The following SLC25A13 variants were observed in gnomAD, a reference collection of about 807,000 sequenced individuals.
SLC25A13 encodes solute carrier family 25 member 13, also known as electrogenic aspartate/glutamate antiporter SLC25A13, mitochondrial.
In SLC25A13, 70 loss-of-function variants were observed where a neutral mutation model predicts 85.5. The ratio of observed to expected loss-of-function variants is 0.82; its 90% CI spans 0.68 to 1.00. SLC25A13 has a LOEUF of 1.00. SLC25A13 is among the 50% of genes least tolerant of loss of function. The probability of loss-of-function intolerance (pLI) is 0.00; values close to 1 mark genes in which losing one functional copy is unlikely to be tolerated. For missense variants in SLC25A13, 765 were observed against 819.8 expected, an observed-to-expected ratio of 0.93 and a Z score of 0.82; for synonymous variants, 259 against 288.7, an observed-to-expected ratio of 0.90 and a Z score of 1.04.
chr7:96,196,501 G>A (rs937172899), intron 5 of SLC25A13, among the ~76,000 whole-genome samples: 1 of 152,136 alleles, frequency 6.6e-6, no homozygotes, highest in African/African-American at 2.4e-5. Flanking sequence ...GGTGGGGGCT[G>A]GTGCTCACAT....
At chr7:96,156,461 C>A (rs1793267864) in intron 13 of SLC25A13, among the ~76,000 whole-genome samples, 1 of 149,642 alleles carries the variant, frequency 6.7e-6, no homozygotes, top group Non-Finnish European at 1.5e-5. Flanking sequence ...CATGCCCAGC[C>A]AATTTTTTGA....
intron 2 of SLC25A13, among the ~76,000 whole-genome samples, chr7:96,280,137 G>C (rs890905573): frequency 2.0e-5 from 3 of 152,114 alleles, no homozygotes; most frequent in Non-Finnish European, 4.4e-5. Context: ...GTCTACTCTT[G>C]CAAGATTACA....
At chr7:96,159,977 T>C (rs1180703520) in intron 13 of SLC25A13, among the ~76,000 whole-genome samples, 2 of 152,220 alleles carry the variant, frequency 1.3e-5, no homozygotes, top group East Asian at 3.8e-4. Flanking sequence ...TGGAATCCAT[T>C]TGACTGACAT....
At chr7:96,163,390 C>T (rs533595551) in intron 13 of SLC25A13, among the ~76,000 whole-genome samples, 17 of 152,292 alleles carry the variant, frequency 1.1e-4, no homozygotes, top group Admixed American at 2.0e-4. Flanking sequence ...ATATCTATCC[C>T]GGTTGACCCT....
intron 4 of SLC25A13, among the ~76,000 whole-genome samples, chr7:96,213,308 A>C (rs1314336063): frequency 6.6e-6 from 1 of 152,212 alleles, no homozygotes; most frequent in African/African-American, 2.4e-5. Flanking sequence ...TTCTCCTTTT[A>C]GGAGGCACAA....
At chr7:96,202,480 C>T (rs1795296418) in intron 5 of SLC25A13, among the ~76,000 whole-genome samples, 1 of 152,154 alleles carries the variant, frequency 6.6e-6, no homozygotes, top group African/African-American at 2.4e-5. Flanking sequence ...GGTCAGCTAT[C>T]CTGTCTCTTA....
At chr7:96,150,610 C>T (rs914751919) in intron 13 of SLC25A13, among the ~76,000 whole-genome samples, 11 of 151,962 alleles carry the variant, frequency 7.2e-5, no homozygotes, top group African/African-American at 9.7e-5. Context: ...TAGGGTGGGA[C>T]GTAATCCCAT....
At chr7:96,321,844 G>C (rs1471476616) in intron 1 of SLC25A13, 98 bp downstream of exon 1, 4 of 1,404,866 alleles carry the variant, frequency 2.8e-6, no homozygotes, top group Non-Finnish European at 3.7e-6. Flanking sequence ...ATTTTGCTCC[G>C]CCTGTGGCAC....
intron 14 of SLC25A13, among the ~76,000 whole-genome samples, chr7:96,135,378 T>A (rs1450754304): frequency 2.0e-5 from 3 of 152,172 alleles, no homozygotes; most frequent in African/African-American, 7.2e-5. Flanking sequence ...AGAGACTTAT[T>A]AAATTTCCCT....
In SLC25A13 at chr7:96,134,793, T is replaced by TTATATATATATA. The variant is rs10522412; in HGVS notation, c.1453-2924_1453-2913dup. Among the ~76,000 whole-genome samples, 828 of 102,184 alleles carry TTATATATATATA rather than the reference T, an allele frequency of 8.1e-3. 62 individuals are homozygous for TTATATATATATA. The highest frequency in any genetic ancestry group is 0.025 in the African/African-American group (599 of 24,422). 67.0% of individuals were successfully genotyped at this position (102,184 alleles called of 152,430 possible). On this transcript the variant is annotated intron_variant, in intron 14 of 17. Coordinates refer to ENST00000265631, the MANE Select transcript of SLC25A13 (RefSeq NM_014251.3). The stretch of plus-strand genomic sequence containing the variant: ...TTAAAAACCAAACATACAAACAATT[T>TTATATATATATA]TATATATATATATATATATAACCCT...
intron 5 of SLC25A13, among the ~76,000 whole-genome samples, chr7:96,200,810 T>TA (rs1355038403): frequency 6.6e-6 from 1 of 152,112 alleles, no homozygotes; most frequent in Admixed American, 6.5e-5. Flanking sequence ...GATGCTACTG[T>TA]AAAAACCCTG....
rs1298777153 is a variant in SLC25A13 at position 96,241,056 on chromosome 7, AAGAAAGAAAG to A, written c.213-6149_213-6140del. 2.3e-5 allele frequency among the ~76,000 whole-genome samples: 3 copies of A among 133,018 alleles called. No individual in the cohort carries two copies. The East Asian group carries it at 6.2e-4, about 27-fold the overall frequency. 87.3% of individuals were successfully genotyped at this position (133,018 alleles called of 152,430 possible). A position where few individuals can be genotyped will look rare whatever the true frequency, so the allele number is the denominator to read the frequency against. On this transcript the variant is annotated intron_variant, in intron 3 of 17. Transcript: ENST00000265631. ...AAGAAAGGAAAGAAAGAAAGAAAGA[AAGAAAGAAAG>A]AAAGAAAGAAAGAAAGAAAGAAAGA...
chr7:96,257,566 G>A (rs1797686991), intron 3 of SLC25A13, among the ~76,000 whole-genome samples: 1 of 152,132 alleles, frequency 6.6e-6, no homozygotes, highest in Non-Finnish European at 1.5e-5. Flanking sequence ...AATTGAGGCA[G>A]TAATTAATAG....
chr7:96,285,345 G>T (rs1280381279), intron 2 of SLC25A13, among the ~76,000 whole-genome samples: 1 of 152,096 alleles, frequency 6.6e-6, no homozygotes, highest in Admixed American at 6.5e-5. Flanking sequence ...CTACTGTTTA[G>T]TGGAATTCCA....
chr7:96,272,808 G>C (rs1798294434), intron 3 of SLC25A13, among the ~76,000 whole-genome samples: 1 of 152,172 alleles, frequency 6.6e-6, no homozygotes, highest in African/African-American at 2.4e-5. Flanking sequence ...GTTTACCAAG[G>C]AATGTTGGAC....
At chr7:96,265,482 T>C (rs988956443) in intron 3 of SLC25A13, among the ~76,000 whole-genome samples, 4 of 152,160 alleles carry the variant, frequency 2.6e-5, no homozygotes, top group African/African-American at 9.7e-5. Flanking sequence ...AACTAGCAAT[T>C]CAAAACAACT....
intron 4 of SLC25A13, among the ~76,000 whole-genome samples, chr7:96,228,359 T>C (rs1244762623): frequency 1.3e-5 from 2 of 152,130 alleles, no homozygotes; most frequent in Non-Finnish European, 2.9e-5. Context: ...CTGAAGAAGA[T>C]AGCCAAATGG....
chr7:96,179,196 C>T (rs1175230737), intron 11 of SLC25A13, among the ~76,000 whole-genome samples: 2 of 152,178 alleles, frequency 1.3e-5, no homozygotes, highest in African/African-American at 4.8e-5. Context: ...GATACTCCTG[C>T]AGTTTTTCAC....
Position 96,208,998 on chromosome 7 carries a change from T to C in SLC25A13, c.329-21A>G, listed in dbSNP as rs112124689. 9.5e-5 allele frequency: 154 copies of C among 1,613,126 alleles called. 1 individual carries two copies. In the African/African-American group the frequency reaches 1.9e-3, roughly 20 times the overall value. ...ATCCTCTGAAAAGAGAAAAGACAGG[T>C]TGATTAAAACAAAGTAAATGAAGTT... On this transcript the variant is annotated intron_variant, in intron 4 of 17. Coordinates refer to ENST00000265631, the MANE Select transcript of SLC25A13 (RefSeq NM_014251.3).
Sources: gnomAD v4.1 joint callset for allele counts (sites outside exome capture counted in the v4.1 genomes callset) on GRCh38, gnomAD v4.1.1 for gene constraint, MANE v1.5 for transcripts, NCBI Gene and HGNC (gene_info 2026-07-23, HGNC 2026-07-21) for gene names.